The following RGR variants were observed in gnomAD, a reference collection of about 807,000 sequenced individuals.
RGR encodes RPE-retinal G protein-coupled receptor.
Under a neutral mutation model 28.6 loss-of-function variants are expected in RGR, and 30 were observed. The ratio of observed to expected loss-of-function variants is 1.05; its 90% CI spans 0.78 to 1.42. RGR has a LOEUF of 1.42. RGR is among the 40% of genes most tolerant of loss of function. The pLI, the probability that RGR is intolerant of heterozygous loss-of-function variation, is 0.00. For missense variants in RGR, 404 were observed against 375.6 expected, an observed-to-expected ratio of 1.08 and a Z score of -0.62; for synonymous variants, 180 against 156.4, an observed-to-expected ratio of 1.15 and a Z score of -1.13.
At chr10:84,253,151 AC>A in intron 4 of RGR, 141 bp downstream of exon 4, 1 of 946,256 alleles carries the variant, frequency 1.1e-6, no homozygotes, top group Non-Finnish European at 1.6e-6. Flanking sequence ...TAATCATGAT[AC>A]CCACCTGCAG....
chr10:84,252,778 G>A, intron 3 of RGR, 79 bp from the exon 4 acceptor site: 1 of 1,566,052 alleles, frequency 6.4e-7, no homozygotes, highest in East Asian at 2.2e-5. Context: ...CACTCTTCGA[G>A]ATCAGGAAGT....
At chr10:84,257,076 C>A (rs1842897586) in intron 5 of RGR, among the ~76,000 whole-genome samples, 2 of 152,150 alleles carry the variant, frequency 1.3e-5, no homozygotes, top group African/African-American at 4.8e-5. Context: ...GAAAATATGC[C>A]CTCTTCCAGC....
chr10:84,249,063 G>C lies in RGR; in HGVS notation c.358+20G>C, dbSNP rs954915812. On this transcript the variant is annotated intron_variant, in intron 3 of 6. Coordinates refer to ENST00000652092, the MANE Select transcript of RGR (RefSeq NM_001012720.2). The stretch of plus-strand genomic sequence containing the variant: ...GCACCCGTATGTATCTGGGCTCCTG[G>C]AGTGGAGGGACACCGATGCAGTGTG... The C allele has an allele frequency of 6.2e-7, 1 of 1,613,466 alleles. No homozygotes were observed. Among genetic ancestry groups the C allele is most frequent in the South Asian group, 1.1e-5 (1 of 91,046 alleles).
intron 6 of RGR, 138 bp from the exon 7 acceptor site, chr10:84,258,370 C>A (rs1842913653): frequency 1.4e-6 from 2 of 1,396,746 alleles, no homozygotes; most frequent in Non-Finnish European, 2.0e-6. Flanking sequence ...TCTCCACCAA[C>A]TAGTCAGGGA....
chr10:84,252,893 T>C lies in RGR; in HGVS notation c.395T>C (p.Val132Ala), dbSNP rs757570674. Residue 132 changes from valine (V) to alanine (A), a missense_variant, in exon 4 of 7, where the codon GTG becomes GCG. Transcript: ENST00000652092. ...QLAWNSAVSL[V>A]LFVWLSSAFW... ...GCCTGGAACTCAGCCGTCTCTCTGG[T>C]GCTCTTCGTGTGGCTGTCTTCTGCC... 1.2e-6 allele frequency: 2 copies of C among 1,614,178 alleles called. No individual in the cohort carries two copies. Among genetic ancestry groups the C allele is most frequent in the Non-Finnish European group, 8.5e-7 (1 of 1,180,042 alleles).
Position 84,252,950 on chromosome 10 carries a change from G to A in RGR, c.452G>A (p.Gly151Asp). Reference sequence around the variant, plus strand: ...GCAGCTCTGCCCCTTCTGGGTTGGGGTCACTACGACTATGAGCCACTGGGG... The same window carrying A: ...GCAGCTCTGCCCCTTCTGGGTTGGGATCACTACGACTATGAGCCACTGGGG... ...FWAALPLLGW[G>D]HYDYEPLGTC... The change falls in exon 4 of 7, where the codon GGT becomes GAT. Residue 151 changes from glycine to aspartate, a missense_variant. By Grantham distance (94) the Gly-to-Asp change is moderately conservative. Transcript: ENST00000652092. 6.2e-7 allele frequency: 1 copy of A among 1,614,086 alleles called. No individual in the cohort carries two copies. The highest frequency in any genetic ancestry group is 8.5e-7 in the Non-Finnish European group (1 of 1,180,026).
At chr10:84,253,518 C>T (rs981481296) in intron 4 of RGR, among the ~76,000 whole-genome samples, 11 of 152,184 alleles carry the variant, frequency 7.2e-5, no homozygotes, top group Non-Finnish European at 1.5e-4. Flanking sequence ...GGCTCGTGTT[C>T]TGGTACTGCC....
At chr10:84,253,347 T>A (rs972117408) in intron 4 of RGR, among the ~76,000 whole-genome samples, 1 of 152,222 alleles carries the variant, frequency 6.6e-6, no homozygotes. Flanking sequence ...TCGACCATCA[T>A]GGCTCTGACC....
At chr10:84,248,073 T>C in intron 2 of RGR, 1 of 546,572 alleles carries the variant, frequency 1.8e-6, no homozygotes, top group Admixed American at 3.4e-5. Context: ...CGGATATTAT[T>C]TCCTAACTCA....
At position 84,247,575 on chromosome 10, in the gene RGR, C is replaced by A. The variant is rs755730671; in HGVS notation, c.80-16C>A. On this transcript the variant is annotated splice_polypyrimidine_tract_variant and intron_variant, in intron 1 of 6. Transcript: ENST00000652092. Reference sequence around the variant, plus strand: ...GCCTCAGCAGCCCCAATGCCAGCCCCCACCCTTCCTTTCAGCTCTCTCCGG... The same window carrying A: ...GCCTCAGCAGCCCCAATGCCAGCCCACACCCTTCCTTTCAGCTCTCTCCGG... The A allele has an allele frequency of 5.6e-6, 9 of 1,614,098 alleles. No homozygotes were observed. Among genetic ancestry groups the A allele is most frequent in the Non-Finnish European group, 7.6e-6 (9 of 1,180,030 alleles).
chr10:84,248,957 A>T lies in RGR; in HGVS notation c.272A>T (p.His91Leu). 6.2e-7 allele frequency: 1 copy of T among 1,614,052 alleles called. No individual in the cohort carries two copies. The highest frequency in any genetic ancestry group is 8.5e-7 in the Non-Finnish European group (1 of 1,179,958). ...WPYGSDGCQA[H>L]GFQGFVTALA... is the part of the protein sequence containing the mutation. ...TACGGCTCGGACGGCTGCCAGGCTCACGGCTTCCAGGGCTTTGTGACAGCG... is the reference window on the plus strand; with the variant it reads ...TACGGCTCGGACGGCTGCCAGGCTCTCGGCTTCCAGGGCTTTGTGACAGCG... The change falls in exon 3 of 7, where the codon CAC becomes CTC. Residue 91 changes from histidine (H) to leucine (L), a missense_variant. Transcript: ENST00000652092.
chr10:84,248,308 T>C (rs1842773000), intron 2 of RGR: 1 of 621,458 alleles, frequency 1.6e-6, no homozygotes, highest in South Asian at 3.4e-5. Context: ...AATACCTCCT[T>C]ATACAAAAAC....
chr10:84,253,859 C>T (rs1025201548), intron 4 of RGR, among the ~76,000 whole-genome samples: 1 of 152,120 alleles, frequency 6.6e-6, no homozygotes, highest in Admixed American at 6.5e-5. Flanking sequence ...CCTGGGACTC[C>T]CACTATTCCC....
rs61441525 is a variant in RGR at position 84,256,059 on chromosome 10, C to CTTTTTTTTTT, written c.630+1636_630+1645dup. On this transcript the variant is annotated intron_variant, in intron 5 of 6. Transcript: ENST00000652092. The stretch of plus-strand genomic sequence containing the variant: ...TCTTTGTTTCTTTTTTTTTTCCTTT[C>CTTTTTTTTTT]TTTTTTTTTTTTTTTTTTTTTTTTT... 1.7e-4 allele frequency among the ~76,000 whole-genome samples: 9 copies of CTTTTTTTTTT among 54,348 alleles called. 1 individual carries two copies. Among genetic ancestry groups the CTTTTTTTTTT allele is most frequent in the African/African-American group, 2.6e-4 (3 of 11,550 alleles). The allele number at this position is 54,348 out of a possible 152,430, so 35.7% of individuals were successfully genotyped here.
chr10:84,245,144 TG>T lies in RGR; in HGVS notation c.55del (p.Val19TrpfsTer18). 1 of 1,613,220 alleles carries T rather than the reference TG, an allele frequency of 6.2e-7. No individual in the cohort carries two copies. On this transcript the variant is annotated frameshift_variant, in exon 1 of 7. Transcript: ENST00000652092. LOFTEE classifies it high-confidence loss of function. ...TGFGELEVLAVGMVLLVEALS... is the reference protein window; with the variant it reads ...TGFGELEVLAXGMVLLVEALS... ...GCTTCGGGGAGCTCGAGGTGCTGGC[TG>T]TGGGGATGGTGCTACTGGTGGAAGG...
intron 6 of RGR, 113 bp downstream of exon 6, chr10:84,258,119 T>C: frequency 9.9e-7 from 1 of 1,007,020 alleles, no homozygotes; most frequent in Non-Finnish European, 1.5e-6. Context: ...CCTTTCTGTG[T>C]TTCTTCCTTT....
chr10:84,250,218 G>A (rs2132880383), intron 3 of RGR, among the ~76,000 whole-genome samples: 1 of 152,264 alleles, frequency 6.6e-6, no homozygotes, highest in South Asian at 2.1e-4. Flanking sequence ...CTATGAATTT[G>A]TCCAGCACAG....
chr10:84,254,411 G>A lies in RGR; in HGVS notation c.598G>A (p.Glu200Lys). 1 of 1,614,126 alleles carries A rather than the reference G, an allele frequency of 6.2e-7. No homozygotes were observed. The highest frequency in any genetic ancestry group is 8.5e-7 in the Non-Finnish European group (1 of 1,180,018). Residue 200 changes from glutamate to lysine, a missense_variant, in exon 5 of 7, where the codon GAG becomes AAG. Glu to Lys is a moderately conservative substitution (Grantham distance 56). Coordinates refer to ENST00000652092, the MANE Select transcript of RGR (RefSeq NM_001012720.2). ...FITITSYSLMEQKLGKSGHLQ... is the reference protein window; with the variant it reads ...FITITSYSLMKQKLGKSGHLQ... ...CACGATCACTTCCTACAGTCTCATGGAGCAGAAACTGGGGAAGAGTGGCCA... is the reference window on the plus strand; with the variant it reads ...CACGATCACTTCCTACAGTCTCATGAAGCAGAAACTGGGGAAGAGTGGCCA...
Position 84,247,653 on chromosome 10 carries a change from C to G in RGR, c.142C>G (p.Arg48Gly), listed in dbSNP as rs139595177. ...IFSFCKTPEL[R>G]TPCHLLVLSL... ...CTCTTTCTGCAAGACCCCGGAGCTG[C>G]GGACTCCCTGCCACCTACTGGTGCT... is the stretch of plus-strand genomic sequence containing the variant. Residue 48 changes from arginine (R) to glycine (G), a missense_variant, in exon 2 of 7, where the codon CGG (arginine) becomes GGG (glycine). Transcript: ENST00000652092. 1 of 1,614,202 alleles carries G rather than the reference C, an allele frequency of 6.2e-7. No homozygotes were observed. The highest frequency in any genetic ancestry group is 1.1e-5 in the South Asian group (1 of 91,084).
Sources: allele counts gnomAD v4.1 joint callset (sites outside exome capture counted in the v4.1 genomes callset), GRCh38; gene constraint gnomAD v4.1.1; transcripts MANE v1.5; gene names NCBI Gene and HGNC (gene_info 2026-07-23, HGNC 2026-07-21).